Variants in CD163L1 observed in about 807,000 individuals in gnomAD.
The protein encoded by CD163L1 is CD163 molecule like 1.
Under a neutral mutation model 165.4 loss-of-function variants are expected in CD163L1, and 124 were observed. That is an observed-to-expected ratio of 0.75 (90% CI 0.65 to 0.87). The LOEUF (loss-of-function observed/expected upper bound fraction) is 0.87, where lower values mean the gene tolerates loss of function less well. CD163L1 is among the 40% of genes least tolerant of loss of function. CD163L1 has a pLI of 0.00. For missense variants in CD163L1, 1,525 were observed against 1,799.9 expected, an observed-to-expected ratio of 0.85 and a Z score of 2.76; for synonymous variants, 585 against 662.2, an observed-to-expected ratio of 0.88 and a Z score of 1.79.
In CD163L1 at chr12:7,374,360, CACT is replaced by C. The variant is rs1947208084; in HGVS notation, c.3409+79_3409+81del. The C allele has an allele frequency of 1.1e-5, 15 of 1,425,622 alleles. No individual in the cohort carries two copies. In the South Asian group the frequency reaches 1.9e-4, roughly 18 times the overall value. 88.3% of individuals were successfully genotyped at this position (1,425,622 alleles called of 1,614,324 possible). On this transcript the variant is annotated intron_variant, in intron 13 of 19. Transcript: ENST00000313599. The surrounding 1 kb of genome is among the most constrained non-coding windows in gnomAD (Gnocchi z 5.4). ...TTGTATTCCTAGGCCATACACTTTT[CACT>C]ACACTTTACAATTGTGTTGTGTGTG...
At chr12:7,326,878 T>A in the CD163L1 span, 4 of 1,328,472 alleles carry the variant, frequency 3.0e-6, no homozygotes, top group South Asian at 6.3e-5. Flanking sequence ...CACAAACTGT[T>A]ATTAATAAAT....
intron 18 of CD163L1, among the ~76,000 whole-genome samples, chr12:7,365,671 A>C (rs1304322721): frequency 1.3e-5 from 2 of 152,144 alleles, no homozygotes; most frequent in Non-Finnish European, 2.9e-5. Flanking sequence ...GCTCAACAAC[A>C]CTAATAATCA....
At chr12:7,337,760 G>T in the CD163L1 span, among the ~76,000 whole-genome samples, 1 of 152,148 alleles carries the variant, frequency 6.6e-6, no homozygotes, top group Admixed American at 6.5e-5. Flanking sequence ...ACAGTGTGGC[G>T]ATTCCTCAAG....
intron 4 of CD163L1, among the ~76,000 whole-genome samples, chr12:7,416,244 T>C (rs920772759): frequency 1.3e-5 from 2 of 152,246 alleles, no homozygotes; most frequent in African/African-American, 4.8e-5. Flanking sequence ...TGTCTGTTCA[T>C]ATCCTTCACC....
the CD163L1 span, among the ~76,000 whole-genome samples, chr12:7,335,507 T>G: frequency 1.5e-4 from 23 of 152,082 alleles, no homozygotes; most frequent in African/African-American, 4.3e-4. Flanking sequence ...ATGGATTAAA[T>G]ACTTACATGT....
chr12:7,403,975 A>G (rs1947965407), intron 5 of CD163L1, 120 bp from the exon 6 acceptor site: 1 of 577,460 alleles, frequency 1.7e-6, no homozygotes. Flanking sequence ...GAGAAAAGTA[A>G]AGACTAAAGA....
At chr12:7,363,895 T>TTA (rs1450142177) in intron 18 of CD163L1, among the ~76,000 whole-genome samples, 1 of 152,082 alleles carries the variant, frequency 6.6e-6, no homozygotes, top group Non-Finnish European at 1.5e-5. Flanking sequence ...ATTCAAACTC[T>TTA]TAATGAAATT....
the CD163L1 span, among the ~76,000 whole-genome samples, chr12:7,329,902 T>C: frequency 1.3e-5 from 2 of 152,198 alleles, no homozygotes; most frequent in African/African-American, 2.4e-5. Context: ...TCAAAATCTT[T>C]CTGCAGCAGC....
chr12:7,359,266 A>G (rs1415305290), intron 18 of CD163L1, among the ~76,000 whole-genome samples: 1 of 152,084 alleles, frequency 6.6e-6, no homozygotes, highest in African/African-American at 2.4e-5. Flanking sequence ...AGCAGAATAA[A>G]TGCCAAAAAA....
At chr12:7,362,649 TTA>T (rs1165825234) in intron 18 of CD163L1, among the ~76,000 whole-genome samples, 1 of 145,620 alleles carries the variant, frequency 6.9e-6, no homozygotes, top group African/African-American at 2.5e-5. Context: ...TAATATAAAA[TTA>T]TATAATTCTA....
At chr12:7,364,003 C>T (rs1388019691) in intron 18 of CD163L1, among the ~76,000 whole-genome samples, 1 of 152,052 alleles carries the variant, frequency 6.6e-6, no homozygotes, top group Non-Finnish European at 1.5e-5. Flanking sequence ...GACTCCAGGC[C>T]AATGTCACTG....
At chr12:7,431,938 G>C (rs1948636095) in intron 4 of CD163L1, among the ~76,000 whole-genome samples, 1 of 152,120 alleles carries the variant, frequency 6.6e-6, no homozygotes, top group Non-Finnish European at 1.5e-5. Context: ...GAGCTCTTAG[G>C]AGGTGTCTGG....
chr12:7,339,161 T>TA, the CD163L1 span, among the ~76,000 whole-genome samples: 3 of 152,148 alleles, frequency 2.0e-5, no homozygotes, highest in Non-Finnish European at 4.4e-5. Context: ...ACCCTGGACT[T>TA]AGAGTTCTTA....
the CD163L1 span, among the ~76,000 whole-genome samples, chr12:7,341,659 C>T: frequency 6.6e-6 from 1 of 152,032 alleles, no homozygotes; most frequent in Non-Finnish European, 1.5e-5. Flanking sequence ...TTCAGGCTGT[C>T]CTCTGGAGTC....
chr12:7,442,660 A>T (rs752186764), intron 1 of CD163L1, among the ~76,000 whole-genome samples: 3 of 152,254 alleles, frequency 2.0e-5, no homozygotes, highest in Non-Finnish European at 4.4e-5. Context: ...TGTCCAAAAC[A>T]CTTTAAGTTG....
At chr12:7,350,142 A>C (rs1946697603), downstream of CD163L1, among the ~76,000 whole-genome samples, 1 of 152,166 alleles carries the variant, frequency 6.6e-6, no homozygotes, top group East Asian at 1.9e-4. Context: ...TATGGTCCTA[A>C]ATTTAGCTAT....
chr12:7,343,044 G>A (rs1460878441), downstream of CD163L1, among the ~76,000 whole-genome samples: 1 of 152,114 alleles, frequency 6.6e-6, no homozygotes, highest in Non-Finnish European at 1.5e-5. Context: ...CAATAAGACA[G>A]CCAAGTGGAA....
Position 7,375,602 on chromosome 12 carries a change from G to A in CD163L1, c.2687-7C>T, listed in dbSNP as rs1947251064. ...AGTCGGACATCTGTATATCCTAGGA[G>A]GAGACAAGGCCATAGAAGAGACATC... On this transcript the variant is annotated splice_region_variant and splice_polypyrimidine_tract_variant and intron_variant, in intron 10 of 19. Transcript: ENST00000313599. 6.2e-7 allele frequency: 1 copy of A among 1,612,046 alleles called. No individual in the cohort carries two copies.
At position 7,368,986 on chromosome 12, in the gene CD163L1, G is replaced by T; in HGVS notation, c.4040-21C>A. ...CTGTCCTGAGAGAGAGAGAGAGAGA[G>T]AGAGACGTAAATGAACGAAAAGGAA... On this transcript the variant is annotated intron_variant, in intron 15 of 19. Coordinates refer to ENST00000313599, the MANE Select transcript of CD163L1 (RefSeq NM_174941.6). This position sits in a 1 kb window ranked among gnomAD's most constrained non-coding sequence, Gnocchi z 4.3. 6.2e-7 allele frequency: 1 copy of T among 1,612,690 alleles called. No individual in the cohort carries two copies.
Sources: allele counts gnomAD v4.1 joint callset (sites outside exome capture counted in the v4.1 genomes callset), GRCh38; gene constraint gnomAD v4.1.1; non-coding constraint Gnocchi (gnomAD v3.1); transcripts MANE v1.5; gene names NCBI Gene and HGNC (gene_info 2026-07-23, HGNC 2026-07-21).